Variants in ST6GALNAC2 observed in about 807,000 individuals in gnomAD.
ST6GALNAC2 encodes the protein alpha-N-acetylgalactosaminide alpha-2,6-sialyltransferase 2.
Under a neutral mutation model 38.7 loss-of-function variants are expected in ST6GALNAC2, and 42 were observed. That is an observed-to-expected ratio of 1.09 (90% CI 0.85 to 1.40). The LOEUF is 1.40. Among genes scored for constraint, ST6GALNAC2 ranks in the 40% most tolerant of loss-of-function variants. ST6GALNAC2 has a pLI of 0.00. For missense variants in ST6GALNAC2, 506 were observed against 481.7 expected, an observed-to-expected ratio of 1.05 and a Z score of -0.47; for synonymous variants, 233 against 209.0, an observed-to-expected ratio of 1.11 and a Z score of -0.99.
chr17:76,583,103 C>T (rs529890929), intron 1 of ST6GALNAC2, among the ~76,000 whole-genome samples: 149 of 152,240 alleles, frequency 9.8e-4, no homozygotes, highest in African/African-American at 3.0e-3. Flanking sequence ...GGGCTGGGCG[C>T]GGTGGCTCAC....
Position 76,570,451 on chromosome 17 carries a change from GCCC to G in ST6GALNAC2, c.773+111_773+113del, listed in dbSNP as rs201288238. ...TTGAATTCTTAGGGCTGTTCTTACT[GCCC>G]TTCACCCACCTCCTCTTACCCCATG... is the stretch of plus-strand genomic sequence containing the variant. On this transcript the variant is annotated intron_variant, in intron 6 of 8. Transcript: ENST00000225276. 6.3e-3 allele frequency: 4,237 copies of G among 676,256 alleles called. 131 individuals are homozygous for G. The African/African-American group carries it at 0.066, about 11-fold the overall frequency. The allele number at this position is 676,256 out of a possible 1,614,324, so 41.9% of individuals were successfully genotyped here. A position where few individuals can be genotyped will look rare whatever the true frequency, so the allele number is the denominator to read the frequency against.
At chr17:76,578,901 CTAGGGGCGGA>C (rs2075446633) in intron 1 of ST6GALNAC2, 85 bp from the exon 2 acceptor site, 4 of 1,201,416 alleles carry the variant, frequency 3.3e-6, no homozygotes, top group Non-Finnish European at 4.7e-6. Flanking sequence ...CCCCTTAGCT[CTAGGGGCGGA>C]CAAAGTCTGT....
chr17:76,580,828 T>A (rs1038989794), intron 1 of ST6GALNAC2: 1 of 152,194 alleles, frequency 6.6e-6, no homozygotes, highest in Non-Finnish European at 1.5e-5. Flanking sequence ...TCTTGCTGTG[T>A]CAGCCTCTAT....
rs1318522458 is a variant in ST6GALNAC2 at position 76,578,756 on chromosome 17, C to T, written c.186G>A (p.Lys62=). ...GCCACAGGGTAGTCGACCACTCTAC[C>T]TTTCCTGTCCAAGAATTCGATGCCT... is the stretch of plus-strand genomic sequence containing the variant. ...QSKASNSWTG[K]GQACRHLLHL... is the part of the protein sequence containing the mutation. Residue 62 remains lysine, a splice_region_variant and synonymous_variant, in exon 2 of 9, where the codon AAG becomes AAA. Transcript: ENST00000225276. 1 of 1,613,240 alleles carries T rather than the reference C, an allele frequency of 6.2e-7. No individual in the cohort carries two copies.
chr17:76,574,862 G>A (rs1598254678), intron 2 of ST6GALNAC2, among the ~76,000 whole-genome samples: 1 of 152,046 alleles, frequency 6.6e-6, no homozygotes, highest in East Asian at 1.9e-4. Context: ...ATTTTTAGTA[G>A]AGACGGGGTT....
Position 76,574,348 on chromosome 17 carries a change from C to G in ST6GALNAC2, c.361+17G>C. ...GCTAAGGCAGAAGGCAGGTGAGAGACAGCGGGCGCGGGTTACCTTGGTGAG... is the reference window on the plus strand; with the variant it reads ...GCTAAGGCAGAAGGCAGGTGAGAGAGAGCGGGCGCGGGTTACCTTGGTGAG... On this transcript the variant is annotated intron_variant, in intron 3 of 8. Coordinates refer to ENST00000225276, the MANE Select transcript of ST6GALNAC2 (RefSeq NM_006456.3). The G allele has an allele frequency of 6.2e-7, 1 of 1,605,218 alleles. No homozygotes were observed. Among genetic ancestry groups the G allele is most frequent in the South Asian group, 1.1e-5 (1 of 90,174 alleles).
At position 76,578,709 on chromosome 17, in the gene ST6GALNAC2, T is replaced by C. The variant is rs1006308016; in HGVS notation, c.186+47A>G. The C allele has an allele frequency of 2.6e-6, 4 of 1,558,852 alleles. No homozygotes were observed. The Admixed American group carries it at 7.1e-5, about 28-fold the overall frequency. On this transcript the variant is annotated intron_variant, in intron 2 of 8. Coordinates refer to ENST00000225276, the MANE Select transcript of ST6GALNAC2 (RefSeq NM_006456.3). ...TTTGCTCTTCTTCCCTCCTCCCCAC[T>C]AATTTGAGGGTGCTCAAAACTGCCA...
chr17:76,578,440 A>G (rs1171645161), intron 2 of ST6GALNAC2, among the ~76,000 whole-genome samples: 2 of 152,134 alleles, frequency 1.3e-5, no homozygotes, highest in Non-Finnish European at 2.9e-5. Flanking sequence ...CTTTTATAGG[A>G]AGTAGATATT....
chr17:76,579,464 T>C (rs2075452147), intron 1 of ST6GALNAC2, among the ~76,000 whole-genome samples: 1 of 152,204 alleles, frequency 6.6e-6, no homozygotes, highest in Admixed American at 6.5e-5. Context: ...AGGCATTAGG[T>C]CTGAGATGAC....
In ST6GALNAC2 at chr17:76,573,059, G is replaced by T; in HGVS notation, c.530+136C>A. 9.8e-7 allele frequency: 1 copy of T among 1,021,060 alleles called. No homozygotes were observed. The highest frequency in any genetic ancestry group is 1.4e-6 in the Non-Finnish European group (1 of 714,648). The allele number at this position is 1,021,060 out of a possible 1,614,324, so 63.3% of individuals were successfully genotyped here. On this transcript the variant is annotated intron_variant, in intron 4 of 8. Coordinates refer to ENST00000225276, the MANE Select transcript of ST6GALNAC2 (RefSeq NM_006456.3). The surrounding 1 kb of genome is among the most constrained non-coding windows in gnomAD (Gnocchi z 5.1). ...AGGGCCTACTGTTTGTTTTTGCCTT[G>T]TCCATGCCCGTGTGCTGGTCACAAC...
chr17:76,572,664 C>T lies in ST6GALNAC2; in HGVS notation c.642G>A (p.Leu214=), dbSNP rs769307599. 9.9e-6 allele frequency: 16 copies of T among 1,614,028 alleles called. No homozygotes were observed. Among genetic ancestry groups the T allele is most frequent in the Non-Finnish European group, 1.2e-5 (14 of 1,180,028 alleles). Residue 214 remains leucine (L), a synonymous_variant, in exon 5 of 9, where the codon CTG becomes CTA. Transcript: ENST00000225276. ...GTCCTTGTGGCACGGAGGTGAAGCC[C>T]AGATTCCAGTAGGAGACGAGGGAGT... ...MKNSLVSYWN[L]GFTSVPQGQD...
At chr17:76,583,311 GC>G (rs1219367479) in intron 1 of ST6GALNAC2, among the ~76,000 whole-genome samples, 1 of 147,490 alleles carries the variant, frequency 6.8e-6, no homozygotes, top group African/African-American at 2.5e-5. Context: ...GGGAGACAGA[GC>G]TTGCAGTGAG....
intron 5 of ST6GALNAC2, among the ~76,000 whole-genome samples, chr17:76,572,218 T>G (rs2075360097): frequency 6.6e-6 from 1 of 152,052 alleles, no homozygotes; most frequent in Admixed American, 6.5e-5. Flanking sequence ...ATAAATCCCC[T>G]TCTCCTGGGA....
rs897767977 is a variant in ST6GALNAC2 at position 76,573,907 on chromosome 17, CAG to C, written c.361+456_361+457del. The stretch of plus-strand genomic sequence containing the variant: ...TGCCATTGCACTCCAGCCTGAGTGA[CAG>C]AGCGAGACTCCATCTCAAAAATAAA... On this transcript the variant is annotated intron_variant, in intron 3 of 8. Transcript: ENST00000225276. The surrounding 1 kb of genome is among the most constrained non-coding windows in gnomAD (Gnocchi z 5.1). 5.1e-4 allele frequency among the ~76,000 whole-genome samples: 77 copies of C among 152,218 alleles called. No individual in the cohort carries two copies. The highest frequency in any genetic ancestry group is 1.7e-3 in the African/African-American group (69 of 41,532).
chr17:76,567,412 T>A (rs758924959), intron 8 of ST6GALNAC2, 41 bp downstream of exon 8: 2 of 1,428,050 alleles, frequency 1.4e-6, no homozygotes, highest in Admixed American at 3.4e-5. Context: ...TGTTATCCTG[T>A]GTTCTGCCGG....
Position 76,585,686 on chromosome 17 carries a change from G to C in ST6GALNAC2, c.123C>G (p.Ala41=). ...VQRYPGPAAG[A]RDTTSFEAFF... is the part of the protein sequence containing the mutation. ...GCTCTGCGCTCGGCAGCCCCTACCT[G>C]GCTCCGGCCGCTGGCCCCGGGTACC... is the stretch of plus-strand genomic sequence containing the variant. The change falls in exon 1 of 9, where the codon GCC becomes GCG. Residue 41 remains alanine (A), a splice_region_variant and synonymous_variant. Transcript: ENST00000225276. 2 of 1,525,544 alleles carry C rather than the reference G, an allele frequency of 1.3e-6. No individual in the cohort carries two copies. The highest frequency in any genetic ancestry group is 1.8e-6 in the Non-Finnish European group (2 of 1,141,078). The allele number at this position is 1,525,544 out of a possible 1,614,324, so 94.5% of individuals were successfully genotyped here.
At chr17:76,569,940 G>T (rs1478808340) in intron 6 of ST6GALNAC2, 8 of 204,878 alleles carry the variant, frequency 3.9e-5, no homozygotes, top group Non-Finnish European at 7.8e-5. Flanking sequence ...TCAGGGACAA[G>T]AAATTGTCTC....
At chr17:76,568,408 G>A (rs555130141) in intron 7 of ST6GALNAC2, 129 of 413,770 alleles carry the variant, frequency 3.1e-4, no homozygotes, top group African/African-American at 2.2e-3. Context: ...TGCTGCTGAC[G>A]GCGCCACTGC....
At position 76,566,016 on chromosome 17, in the gene ST6GALNAC2, G is replaced by A. The variant is rs1266005449; in HGVS notation, c.*88C>T. On this transcript the variant is annotated 3_prime_UTR_variant, in exon 9 of 9. Coordinates refer to ENST00000225276, the MANE Select transcript of ST6GALNAC2 (RefSeq NM_006456.3). Reference sequence around the variant, plus strand: ...GTGCCCTCTGTTGGCAAGGGAAGGTGAAGATTGAAAAGTTAAAAAAGCTTT... The same window carrying A: ...GTGCCCTCTGTTGGCAAGGGAAGGTAAAGATTGAAAAGTTAAAAAAGCTTT... 1.4e-6 allele frequency: 2 copies of A among 1,400,830 alleles called. No homozygotes were observed. The highest frequency in any genetic ancestry group is 1.9e-6 in the Non-Finnish European group (2 of 1,034,000). 86.8% of individuals were successfully genotyped at this position (1,400,830 alleles called of 1,614,324 possible).
Sources: gnomAD v4.1 joint callset for allele counts (sites outside exome capture counted in the v4.1 genomes callset) on GRCh38, gnomAD v4.1.1 for gene constraint, Gnocchi (gnomAD v3.1) non-coding constraint, MANE v1.5 for transcripts, NCBI Gene and HGNC (gene_info 2026-07-23, HGNC 2026-07-21) for gene names.